Variants in MSH3 observed in about 807,000 individuals in gnomAD.
MSH3 encodes mutS homolog 3.
A neutral mutation model predicts 123.3 loss-of-function variants in MSH3; 106 were observed. The ratio of observed to expected loss-of-function variants is 0.86; its 90% CI spans 0.73 to 1.01. MSH3 has a LOEUF of 1.01. Ranked by LOEUF, MSH3 falls within the 50% of genes least tolerant of loss-of-function variation. MSH3 has a pLI of 0.00. For missense variants in MSH3, 1,459 were observed against 1,347.6 expected (o/e 1.08, Z -1.29); for synonymous variants, 515 against 481.4 (o/e 1.07, Z -0.91).
chr5:80,787,715 A>G (rs200732888), intron 18 of MSH3, 43 bp downstream of exon 18: 2 of 1,250,906 alleles, frequency 1.6e-6, no homozygotes, highest in East Asian at 4.7e-5. Context: ...GCTTTAGATA[A>G]GATGACATTA....
rs41562717 is a variant in MSH3 at position 80,775,675 on chromosome 5, T to G, written c.2254-19T>G. On this transcript the variant is annotated intron_variant, in intron 15 of 23. Transcript: ENST00000265081. ...AATGGTTACTTATCTAAATCTCTGT[T>G]TATTTGTATTTGTTTTAGTTTATGA... 4.5e-3 allele frequency: 6,034 copies of G among 1,347,078 alleles called. 25 individuals are homozygous for G. Among genetic ancestry groups the G allele is most frequent in the Non-Finnish European group, 5.6e-3 (5,273 of 939,856 alleles). The allele number at this position is 1,347,078 out of a possible 1,614,324, so 83.4% of individuals were successfully genotyped here.
At chr5:80,733,025 C>G (rs907882107) in intron 10 of MSH3, among the ~76,000 whole-genome samples, 1 of 152,050 alleles carries the variant, frequency 6.6e-6, no homozygotes, top group Non-Finnish European at 1.5e-5. Context: ...ACAAGCTGAT[C>G]CTAAAATTCA....
intron 17 of MSH3, among the ~76,000 whole-genome samples, chr5:80,780,829 C>G (rs1199066454): frequency 2.6e-5 from 4 of 152,202 alleles, no homozygotes; most frequent in African/African-American, 9.7e-5. Context: ...GATTGCGCCT[C>G]TGCACTCCAG....
intron 4 of MSH3, among the ~76,000 whole-genome samples, chr5:80,671,072 G>A (rs1468686442): frequency 1.3e-5 from 2 of 151,482 alleles, no homozygotes; most frequent in Admixed American, 6.6e-5. Flanking sequence ...GCAGTGAGCC[G>A]AGATCCTGCC....
chr5:80,680,220 A>G (rs1407720608), intron 8 of MSH3, among the ~76,000 whole-genome samples: 1 of 151,766 alleles, frequency 6.6e-6, no homozygotes. Context: ...AGATCACACC[A>G]CTTCACTCCA....
Position 80,740,464 on chromosome 5 carries a change from TC to T in MSH3, c.1569-999del, listed in dbSNP as rs1743591778. Among the ~76,000 whole-genome samples, 7 of 151,972 alleles carry T rather than the reference TC, an allele frequency of 4.6e-5. 1 individual carries two copies. The South Asian group carries it at 1.5e-3, about 32-fold the overall frequency. The stretch of plus-strand genomic sequence containing the variant: ...CCTCCGCCTCCCGGGTTCAAGCGAT[TC>T]TCCTGCCTCAGCCTCCTGAGTTGCT... On this transcript the variant is annotated intron_variant, in intron 10 of 23. Transcript: ENST00000265081.
intron 22 of MSH3, among the ~76,000 whole-genome samples, chr5:80,865,326 T>C (rs2112119043): frequency 6.6e-6 from 1 of 152,234 alleles, no homozygotes; most frequent in East Asian, 1.9e-4. Flanking sequence ...CCCAATATTT[T>C]CCCCAAAATA....
intron 19 of MSH3, among the ~76,000 whole-genome samples, chr5:80,806,626 CATT>C (rs1448605663): frequency 1.3e-5 from 2 of 152,178 alleles, no homozygotes; most frequent in East Asian, 3.9e-4. Context: ...TTTGCTATAG[CATT>C]ATAATAACTT....
chr5:80,778,065 C>T (rs1424080141), intron 16 of MSH3, among the ~76,000 whole-genome samples: 1 of 152,200 alleles, frequency 6.6e-6, no homozygotes, highest in East Asian at 1.9e-4. Flanking sequence ...GGACTGGAGC[C>T]TCGACCTGGC....
chr5:80,822,212 A>T (rs1745214632), intron 20 of MSH3, among the ~76,000 whole-genome samples: 1 of 152,240 alleles, frequency 6.6e-6, no homozygotes, highest in Admixed American at 6.5e-5. Flanking sequence ...TGAGAGAAGT[A>T]CTGTGCCATA....
At chr5:80,853,644 T>G (rs1441063875) in intron 20 of MSH3, among the ~76,000 whole-genome samples, 1 of 152,230 alleles carries the variant, frequency 6.6e-6, no homozygotes, top group African/African-American at 2.4e-5. Context: ...ACGTCTATAA[T>G]TCTAGTTCCA....
At chr5:80,706,338 A>G (rs1164100100) in intron 8 of MSH3, among the ~76,000 whole-genome samples, 1 of 152,188 alleles carries the variant, frequency 6.6e-6, no homozygotes, top group Non-Finnish European at 1.5e-5. Flanking sequence ...GCTGACAAAA[A>G]GCTTTTAATC....
At chr5:80,762,770 A>AATT (rs1238821415) in intron 13 of MSH3, among the ~76,000 whole-genome samples, 25 of 144,278 alleles carry the variant, frequency 1.7e-4, no homozygotes, top group Non-Finnish European at 2.1e-4. Flanking sequence ...ATTTTATTTT[A>AATT]TTTTAATTTT....
intron 20 of MSH3, among the ~76,000 whole-genome samples, chr5:80,842,856 A>G (rs1236928899): frequency 1.3e-5 from 2 of 152,134 alleles, no homozygotes; most frequent in African/African-American, 4.8e-5. Context: ...GCAAACAGGG[A>G]CAATTTGACT....
At chr5:80,797,159 T>G (rs2112032088) in intron 19 of MSH3, among the ~76,000 whole-genome samples, 1 of 150,778 alleles carries the variant, frequency 6.6e-6, no homozygotes, top group South Asian at 2.1e-4. Context: ...TCAGCCTTCC[T>G]TTGCCCAGCT....
At chr5:80,784,508 G>GGA (rs1744469982) in intron 17 of MSH3, among the ~76,000 whole-genome samples, 1 of 152,064 alleles carries the variant, frequency 6.6e-6, no homozygotes, top group South Asian at 2.1e-4. Context: ...AGCATATCAC[G>GGA]GAGAATGGGG....
chr5:80,693,499 ATGTT>A (rs1245012840), intron 8 of MSH3, among the ~76,000 whole-genome samples: 4 of 150,740 alleles, frequency 2.7e-5, no homozygotes, highest in Admixed American at 6.6e-5. Flanking sequence ...GCACATGTAT[ATGTT>A]TATATAAATA....
intron 13 of MSH3, among the ~76,000 whole-genome samples, chr5:80,765,360 A>G (rs1744104612): frequency 6.6e-6 from 1 of 152,144 alleles, no homozygotes; most frequent in East Asian, 1.9e-4. Context: ...CAGGTTTCAC[A>G]TTTATTTAAA....
intron 20 of MSH3, among the ~76,000 whole-genome samples, chr5:80,826,061 G>C (rs935684850): frequency 1.4e-4 from 22 of 152,256 alleles, no homozygotes; most frequent in African/African-American, 4.1e-4. Context: ...TTTCCCCTTC[G>C]CTTCTTTTAT....
Sources: gnomAD v4.1 joint callset for allele counts (sites outside exome capture counted in the v4.1 genomes callset) on GRCh38, gnomAD v4.1.1 for gene constraint, MANE v1.5 for transcripts, NCBI Gene and HGNC (gene_info 2026-07-23, HGNC 2026-07-21) for gene names.